Variants in TFDP2 observed in about 807,000 individuals in gnomAD.
TFDP2 encodes the protein transcription factor Dp-2 (E2F dimerization partner 2).
In TFDP2, 17 loss-of-function variants were observed where a neutral mutation model predicts 59.3. The observed-to-expected ratio is 0.29, with a 90% CI of 0.20 to 0.43. The LOEUF is 0.43. Among genes scored for constraint, TFDP2 ranks in the 20% least tolerant of loss-of-function variants. TFDP2 has a pLI of 1.00. For synonymous variants in TFDP2, 180 were observed against 194.7 expected (o/e 0.92, Z 0.63); for missense variants, 391 against 528.8 (o/e 0.74, Z 2.56).
At chr3:142,141,037 C>T (rs2062935192) in intron 1 of TFDP2, among the ~76,000 whole-genome samples, 1 of 152,206 alleles carries the variant, frequency 6.6e-6, no homozygotes, top group Non-Finnish European at 1.5e-5. Flanking sequence ...GTTTGAGCTT[C>T]CTGGCCGCTT....
At chr3:142,030,978 G>A (rs1484145934) in intron 3 of TFDP2, among the ~76,000 whole-genome samples, 1 of 151,734 alleles carries the variant, frequency 6.6e-6, no homozygotes, top group Admixed American at 6.6e-5. Flanking sequence ...TCCTGACCTC[G>A]TGATCCGCCC....
intron 3 of TFDP2, chr3:142,043,971 A>C: frequency 4.1e-6 from 3 of 738,314 alleles, no homozygotes; most frequent in East Asian, 2.5e-5. Context: ...TACCTATGCC[A>C]CTGTGCCTGC....
intron 3 of TFDP2, among the ~76,000 whole-genome samples, chr3:142,045,460 G>A (rs1045366023): frequency 6.6e-6 from 1 of 151,738 alleles, no homozygotes; most frequent in African/African-American, 2.4e-5. Context: ...ACACCTGGTC[G>A]TGTTTTGAAG....
chr3:141,968,346 C>T (rs1938523690), intron 9 of TFDP2, among the ~76,000 whole-genome samples: 1 of 99,482 alleles, frequency 1.0e-5, no homozygotes, highest in Non-Finnish European at 2.1e-5. Flanking sequence ...TAATATATAA[C>T]TATATATAAC....
intron 3 of TFDP2, among the ~76,000 whole-genome samples, chr3:142,006,828 G>A (rs1944258098): frequency 6.6e-6 from 1 of 151,836 alleles, no homozygotes; most frequent in Admixed American, 6.6e-5. Flanking sequence ...CCAGGCTGGA[G>A]TTCAGTGGCA....
chr3:142,065,709 C>T (rs1053981887), intron 3 of TFDP2, among the ~76,000 whole-genome samples: 5 of 150,788 alleles, frequency 3.3e-5, no homozygotes, highest in Admixed American at 2.0e-4. Flanking sequence ...GAGGAGGTTT[C>T]GCCATGTTGG....
intron 1 of TFDP2, chr3:142,145,319 T>C (rs1560193090): frequency 1.3e-5 from 2 of 151,998 alleles, no homozygotes; most frequent in Non-Finnish European, 2.9e-5. Flanking sequence ...GACAGAAAAA[T>C]GTAGTACTCG....
At position 141,947,749 on chromosome 3, in the gene TFDP2, TG is replaced by T. The variant is rs759021781; in HGVS notation, c.*4763del. The T allele has an allele frequency of 2.6e-5, 4 of 152,214 alleles. No homozygotes were observed. Among genetic ancestry groups the T allele is most frequent in the Non-Finnish European group, 4.4e-5 (3 of 68,042 alleles). 9.4% of individuals were successfully genotyped at this position (152,214 alleles called of 1,614,324 possible). A position where few individuals can be genotyped will look rare whatever the true frequency, so the allele number is the denominator to read the frequency against. ...AAATGAAGGCTTGAAACTGGAACAG[TG>T]GGGCCTCTGGAACTTAGGAGAGATT... On this transcript the variant is annotated 3_prime_UTR_variant, in exon 13 of 13. Coordinates refer to ENST00000489671, the MANE Select transcript of TFDP2 (RefSeq NM_001178139.2).
rs149188030 is a variant in TFDP2, at chr3:142,138,160, G to A, written c.-93+11023C>T. On this transcript the variant is annotated intron_variant, in intron 1 of 12. Coordinates refer to ENST00000489671, the MANE Select transcript of TFDP2 (RefSeq NM_001178139.2). ...CTCCTAGATTTTCTAGTTTATTTGC[G>A]TAGAGGTGTTTATAGTATTCTCTGA... Among the ~76,000 whole-genome samples the A allele has an allele frequency of 4.6e-3, 704 of 152,250 alleles. 5 individuals are homozygous for A. Among genetic ancestry groups the A allele is most frequent in the African/African-American group, 0.016 (650 of 41,550 alleles).
chr3:142,077,065 G>A (rs2060482935), intron 3 of TFDP2, among the ~76,000 whole-genome samples: 2 of 152,102 alleles, frequency 1.3e-5, no homozygotes, highest in East Asian at 1.9e-4. Context: ...GTGACTGTGG[G>A]ACTCTGTATT....
chr3:142,028,548 C>A, intron 3 of TFDP2: 2 of 985,128 alleles, frequency 2.0e-6, no homozygotes, highest in Non-Finnish European at 2.4e-6. Context: ...AAAACTCACC[C>A]AGCAGTGAGA....
chr3:141,997,044 G>C (rs115714055), intron 4 of TFDP2, among the ~76,000 whole-genome samples: 11 of 152,232 alleles, frequency 7.2e-5, no homozygotes, highest in Non-Finnish European at 1.6e-4. Context: ...AAGTATGCTT[G>C]CACTTCCCAC....
chr3:142,138,408 G>A (rs139015844), intron 1 of TFDP2, among the ~76,000 whole-genome samples: 12,654 of 152,034 alleles, frequency 0.083, 650 homozygotes, highest in Middle Eastern at 0.14. Flanking sequence ...CTTGCCTTCC[G>A]CTAGCTTTTG....
At chr3:141,957,719 C>T (rs1341288842) in intron 11 of TFDP2, among the ~76,000 whole-genome samples, 1 of 152,166 alleles carries the variant, frequency 6.6e-6, no homozygotes, top group Non-Finnish European at 1.5e-5. Flanking sequence ...CCACAAAATG[C>T]CCCATGCTGT....
intron 3 of TFDP2, among the ~76,000 whole-genome samples, chr3:142,056,723 C>T (rs1217579708): frequency 1.3e-5 from 2 of 152,152 alleles, no homozygotes; most frequent in African/African-American, 4.8e-5. Flanking sequence ...GTGGAGACAA[C>T]CATGTGACAA....
At chr3:141,980,462 G>A (rs1022065889) in intron 6 of TFDP2, among the ~76,000 whole-genome samples, 2 of 151,876 alleles carry the variant, frequency 1.3e-5, no homozygotes, top group Non-Finnish European at 2.9e-5. Context: ...GTTAACTACA[G>A]CAACCTATTG....
chr3:142,139,014 G>A (rs1478587102), intron 1 of TFDP2, among the ~76,000 whole-genome samples: 1 of 152,094 alleles, frequency 6.6e-6, no homozygotes, highest in East Asian at 1.9e-4. Context: ...CTCTTTGTAG[G>A]TCTCTAAGGA....
At chr3:141,993,403 T>C (rs1343033769) in intron 6 of TFDP2, 135 bp downstream of exon 6, 2 of 537,912 alleles carry the variant, frequency 3.7e-6, no homozygotes, top group Admixed American at 7.5e-5. Flanking sequence ...CAATGCAGAA[T>C]GAAATAATGG....
chr3:142,074,859 T>C (rs2060387713), intron 3 of TFDP2, among the ~76,000 whole-genome samples: 1 of 151,794 alleles, frequency 6.6e-6, no homozygotes, highest in South Asian at 2.1e-4. Context: ...CTCAAAAAAA[T>C]AAAATAAAAT....
Sources: gnomAD v4.1 joint callset for allele counts (sites outside exome capture counted in the v4.1 genomes callset) on GRCh38, gnomAD v4.1.1 for gene constraint, MANE v1.5 for transcripts, NCBI Gene and HGNC (gene_info 2026-07-23, HGNC 2026-07-21) for gene names.